Variants in ABCC1 observed in about 807,000 individuals in gnomAD.
ABCC1 encodes the protein ATP binding cassette subfamily C member 1 (ABCC1 blood group), also known as multidrug resistance-associated protein 1.
In ABCC1, 83 loss-of-function variants were observed where a neutral mutation model predicts 172.9. That is an observed-to-expected ratio of 0.48 (90% CI 0.40 to 0.58). The LOEUF is 0.58. Among genes scored for constraint, ABCC1 ranks in the 20% least tolerant of loss-of-function variants. ABCC1 has a pLI of 0.00. For missense variants in ABCC1, 1,817 were observed against 2,002.7 expected (o/e 0.91, Z 1.77); for synonymous variants, 937 against 825.2 (o/e 1.14, Z -2.32).
intron 1 of ABCC1, among the ~76,000 whole-genome samples, chr16:15,995,445 C>G (rs549282534): frequency 6.6e-6 from 1 of 152,312 alleles, no homozygotes; most frequent in Non-Finnish European, 1.5e-5. Context: ...AGCACCTGCC[C>G]ACCCACCATT....
intron 28 of ABCC1, among the ~76,000 whole-genome samples, chr16:16,135,796 C>T (rs1013042863): frequency 1.3e-5 from 2 of 152,070 alleles, no homozygotes; most frequent in Non-Finnish European, 2.9e-5. Context: ...AGGTGGATTC[C>T]TTAATATGTT....
intron 12 of ABCC1, among the ~76,000 whole-genome samples, chr16:16,059,837 CA>C (rs548529873): frequency 1.1e-4 from 16 of 148,204 alleles, no homozygotes; most frequent in South Asian, 2.1e-4. Context: ...CAGCCCCCCA[CA>C]AAAAAAAATT....
chr16:16,101,354 G>GC lies in ABCC1; in HGVS notation c.2645-1267dup, dbSNP rs569485407. 3.2e-4 allele frequency among the ~76,000 whole-genome samples: 49 copies of GC among 152,178 alleles called. No individual in the cohort carries two copies. The South Asian group carries it at 3.3e-3, about 10-fold the overall frequency. ...CGGCGGCCACCTGCTCATTTATAAA[G>GC]CCCCCCGTGACTCATTTACAACCAA... On this transcript the variant is annotated intron_variant, in intron 19 of 30. Coordinates refer to ENST00000399410, the MANE Select transcript of ABCC1 (RefSeq NM_004996.4).
chr16:16,126,365 C>T (rs888998495), intron 26 of ABCC1, among the ~76,000 whole-genome samples: 1 of 152,136 alleles, frequency 6.6e-6, no homozygotes, highest in Non-Finnish European at 1.5e-5. Context: ...TCAGAAATAA[C>T]CTTCTGTTAT....
Position 16,134,595 on chromosome 16 carries a change from C to T in ABCC1, c.4125+87C>T. The T allele has an allele frequency of 3.3e-6, 4 of 1,211,764 alleles. No individual in the cohort carries two copies. The South Asian group carries it at 4.1e-5, about 13-fold the overall frequency. The allele number at this position is 1,211,764 out of a possible 1,614,324, so 75.1% of individuals were successfully genotyped here. A position where few individuals can be genotyped will look rare whatever the true frequency, so the allele number is the denominator to read the frequency against. ...CAGTGGTGTATGTATATTTTTGGGG[C>T]AAACATACATTTGGCCCTACTTCAT... On this transcript the variant is annotated intron_variant, in intron 28 of 30. Transcript: ENST00000399410.
At chr16:15,963,163 A>C (rs187622353) in intron 1 of ABCC1, among the ~76,000 whole-genome samples, 123 of 152,330 alleles carry the variant, frequency 8.1e-4, no homozygotes, top group Admixed American at 2.3e-3. Flanking sequence ...TAAAACTTTC[A>C]AGTTCCATAG....
intron 16 of ABCC1, 124 bp downstream of exon 16, chr16:16,079,602 C>A: frequency 8.3e-7 from 1 of 1,204,204 alleles, no homozygotes; most frequent in Non-Finnish European, 1.1e-6. Context: ...GTCTCTTTTC[C>A]TCCTCCTCCT....
chr16:15,989,134 G>A (rs1441913942), intron 1 of ABCC1, among the ~76,000 whole-genome samples: 1 of 151,682 alleles, frequency 6.6e-6, no homozygotes, highest in African/African-American at 2.4e-5. Flanking sequence ...TGTCTTGGAC[G>A]TGAGGATTTG....
At chr16:15,959,486 C>T (rs13332325) in intron 1 of ABCC1, among the ~76,000 whole-genome samples, 1,971 of 152,154 alleles carry the variant, frequency 0.013, 36 homozygotes, top group South Asian at 0.054. Flanking sequence ...CCACCATACC[C>T]GGCTAATTTT....
chr16:16,058,329 ATGT>A (rs1028266716), intron 12 of ABCC1, among the ~76,000 whole-genome samples: 1 of 151,974 alleles, frequency 6.6e-6, no homozygotes, highest in African/African-American at 2.4e-5. Context: ...TCTTTTTGTA[ATGT>A]TGTGCTCATT....
intron 1 of ABCC1, among the ~76,000 whole-genome samples, chr16:15,992,601 A>C (rs763733312): frequency 5.9e-5 from 9 of 152,040 alleles, no homozygotes; most frequent in African/African-American, 1.9e-4. Flanking sequence ...GGGTTTTACC[A>C]TGTTGGCCAG....
At chr16:15,980,137 T>C (rs1220683353) in intron 1 of ABCC1, among the ~76,000 whole-genome samples, 1 of 152,144 alleles carries the variant, frequency 6.6e-6, no homozygotes, top group Non-Finnish European at 1.5e-5. Flanking sequence ...TGGCATGCTT[T>C]TTCTGTGAAG....
At chr16:15,967,482 C>T (rs947926138) in intron 1 of ABCC1, among the ~76,000 whole-genome samples, 12 of 151,772 alleles carry the variant, frequency 7.9e-5, no homozygotes, top group Admixed American at 5.9e-4. Context: ...CTGTTGCTGT[C>T]GTCTGATCCC....
intron 1 of ABCC1, among the ~76,000 whole-genome samples, chr16:15,979,418 G>C (rs2046569683): frequency 6.6e-6 from 1 of 152,164 alleles, no homozygotes; most frequent in Non-Finnish European, 1.5e-5. Flanking sequence ...TTCTTTTGAG[G>C]AGGGTGTTAG....
At chr16:16,097,803 G>A (rs998785214) in intron 19 of ABCC1, among the ~76,000 whole-genome samples, 8 of 152,204 alleles carry the variant, frequency 5.3e-5, no homozygotes, top group Admixed American at 5.2e-4. Context: ...CACCTGGTAC[G>A]TGAGCCTCTG....
At chr16:16,052,654 CG>C in intron 10 of ABCC1, 69 bp from the exon 11 acceptor site, 7 of 1,488,028 alleles carry the variant, frequency 4.7e-6, no homozygotes, top group Non-Finnish European at 6.5e-6. Context: ...ATGGATCAAC[CG>C]GGGAAGCTGT....
chr16:16,111,664 C>G, intron 22 of ABCC1, 82 bp downstream of exon 22: 1 of 1,328,968 alleles, frequency 7.5e-7, no homozygotes, highest in Non-Finnish European at 1.0e-6. Context: ...TCCTTAGAGT[C>G]CTCAGCGTTT....
chr16:15,964,017 C>G (rs983544646), intron 1 of ABCC1, among the ~76,000 whole-genome samples: 3 of 151,774 alleles, frequency 2.0e-5, no homozygotes, highest in Non-Finnish European at 4.4e-5. Flanking sequence ...GATCTCGGCT[C>G]ATTGCAACCT....
intron 5 of ABCC1, among the ~76,000 whole-genome samples, chr16:16,025,167 A>G (rs246240): frequency 0.15 from 23,333 of 152,068 alleles, 2,116 homozygotes; most frequent in East Asian, 0.37. Context: ...TATACTGGCA[A>G]ATCTCTTACT....
Sources: gnomAD v4.1 joint callset for allele counts (sites outside exome capture counted in the v4.1 genomes callset) on GRCh38, gnomAD v4.1.1 for gene constraint, MANE v1.5 for transcripts, NCBI Gene and HGNC (gene_info 2026-07-23, HGNC 2026-07-21) for gene names.